NPHP4: variants seen among roughly 807,000 people sequenced by gnomAD.
The protein encoded by NPHP4 is nephrocystin-4.
In NPHP4, 151 loss-of-function variants were observed where a neutral mutation model predicts 155.8. The observed-to-expected ratio is 0.97, with a 90% CI of 0.85 to 1.11. The LOEUF (loss-of-function observed/expected upper bound fraction) is 1.11. Among genes scored for constraint, NPHP4 ranks in the 50% least tolerant of loss-of-function variants. The pLI, the probability that NPHP4 is intolerant of heterozygous loss-of-function variation, is 0.00. For missense variants in NPHP4, 1,956 were observed against 1,925.7 expected, an observed-to-expected ratio of 1.02 and a Z score of -0.29; for synonymous variants, 845 against 816.8, an observed-to-expected ratio of 1.03 and a Z score of -0.59.
chr1:5,986,397 T>G lies in NPHP4; in HGVS notation c.-38-70A>C, dbSNP rs1413709844. 4 of 1,262,858 alleles carry G rather than the reference T, an allele frequency of 3.2e-6. No individual in the cohort carries two copies. In the East Asian group the frequency reaches 1.0e-4, roughly 32 times the overall value. 78.2% of individuals were successfully genotyped at this position (1,262,858 alleles called of 1,614,324 possible). On this transcript the variant is annotated intron_variant, in intron 1 of 29. Coordinates refer to ENST00000378156, the MANE Select transcript of NPHP4 (RefSeq NM_015102.5). ...CAGTGGTCACAGCAATCCTGAAGGC[T>G]TCTGCCTCCCACTAAATCCCAGAGG...
chr1:5,910,761 C>T lies in NPHP4; in HGVS notation c.1442-1548G>A, dbSNP rs917760944. 1.3e-5 allele frequency among the ~76,000 whole-genome samples: 2 copies of T among 152,228 alleles called. No individual in the cohort carries two copies. Among genetic ancestry groups the T allele is most frequent in the African/African-American group, 4.8e-5 (2 of 41,464 alleles). On this transcript the variant is annotated intron_variant, in intron 11 of 29. Coordinates refer to ENST00000378156, the MANE Select transcript of NPHP4 (RefSeq NM_015102.5). This position sits in a 1 kb window ranked among gnomAD's most constrained non-coding sequence, Gnocchi z 5.4. ...CCTAACACCAGAGCTGCACGACCAT[C>T]GGAGCCAATCCCCGCCGTGCCTCTC...
rs911785891 is a variant in NPHP4, at chr1:5,862,877, T to C, written c.*388A>G. 4 of 222,214 alleles carry C rather than the reference T, an allele frequency of 1.8e-5. No individual in the cohort carries two copies. The highest frequency in any genetic ancestry group is 4.5e-5 in the African/African-American group (2 of 44,632). The allele number at this position is 222,214 out of a possible 1,614,324, so 13.8% of individuals were successfully genotyped here. A position where few individuals can be genotyped will look rare whatever the true frequency, so the allele number is the denominator to read the frequency against. ...CAGATATAATACCAGCATAAAATAT[T>C]GCATAGCAAATAATAGATTATGTTT... On this transcript the variant is annotated 3_prime_UTR_variant, in exon 30 of 30. Coordinates refer to ENST00000378156, the MANE Select transcript of NPHP4 (RefSeq NM_015102.5).
intron 11 of NPHP4, among the ~76,000 whole-genome samples, chr1:5,911,491 A>G (rs2101328068): frequency 6.6e-6 from 1 of 152,310 alleles, no homozygotes. Context: ...AGCTGGATGA[A>G]AAGTTAAACC....
rs1229908367 is a variant in NPHP4, at chr1:5,952,755, A to G, written c.755T>C (p.Leu252Pro). The G allele has an allele frequency of 6.4e-7, 1 of 1,572,188 alleles. No individual in the cohort carries two copies. The highest frequency in any genetic ancestry group is 1.4e-5 in the African/African-American group (1 of 73,848). ...CAGCAGCTCTTCCTCAAACTTCTCC[A>G]GGGAGGGGTACAGGGTGAAGAATAA... ...DDLFFTLYPS[L>P]EKFEEELLEL... Residue 252 changes from leucine to proline, a missense_variant, in exon 7 of 30, where the codon CTG becomes CCG. Coordinates refer to ENST00000378156, the MANE Select transcript of NPHP4 (RefSeq NM_015102.5).
intron 9 of NPHP4, among the ~76,000 whole-genome samples, chr1:5,945,174 A>T (rs1647026512): frequency 6.6e-6 from 1 of 152,180 alleles, no homozygotes; most frequent in African/African-American, 2.4e-5. Context: ...GAAGACACTG[A>T]GAGTGAGGCG....
At chr1:5,906,781 C>G (rs1357191884) in intron 13 of NPHP4, among the ~76,000 whole-genome samples, 1 of 152,230 alleles carries the variant, frequency 6.6e-6, no homozygotes, top group African/African-American at 2.4e-5. Flanking sequence ...GTGCCTGTCT[C>G]AGCCTGTCTA....
chr1:5,957,835 T>G (rs189811233), intron 6 of NPHP4, among the ~76,000 whole-genome samples: 2 of 152,366 alleles, frequency 1.3e-5, no homozygotes, highest in East Asian at 3.9e-4. Context: ...TGAAAATGAC[T>G]TTGAGCTAGT....
At chr1:5,943,245 A>C (rs1004433886) in intron 9 of NPHP4, among the ~76,000 whole-genome samples, 1 of 152,244 alleles carries the variant, frequency 6.6e-6, no homozygotes, top group Non-Finnish European at 1.5e-5. Context: ...AATTAACAGC[A>C]GATTAAAGTC....
intron 3 of NPHP4, among the ~76,000 whole-genome samples, chr1:5,977,013 T>C (rs892419519): frequency 1.3e-5 from 2 of 152,074 alleles, no homozygotes; most frequent in South Asian, 4.1e-4. Context: ...GGGGCCTCCT[T>C]CTATATACCT....
In NPHP4 at chr1:5,925,378, A is replaced by G. The variant is rs141685956; in HGVS notation, c.1441+2271T>C. ...ACAGGCAAATACCACACCATTTTAT[A>G]TAAGGGACTTGAGCATGTGGAACCA... On this transcript the variant is annotated intron_variant, in intron 11 of 29. Transcript: ENST00000378156. Among the ~76,000 whole-genome samples, 555 of 152,332 alleles carry G rather than the reference A, an allele frequency of 3.6e-3. 1 individual carries two copies. Among genetic ancestry groups the G allele is most frequent in the African/African-American group, 0.012 (511 of 41,574 alleles).
chr1:5,973,087 G>A (rs1652883189), intron 3 of NPHP4, among the ~76,000 whole-genome samples: 1 of 152,192 alleles, frequency 6.6e-6, no homozygotes, highest in African/African-American at 2.4e-5. Flanking sequence ...GTTTCACCAT[G>A]TTGGCCAGGC....
chr1:5,881,291 T>C (rs968034961), intron 18 of NPHP4: 1 of 152,204 alleles, frequency 6.6e-6, no homozygotes, highest in African/African-American at 2.4e-5. Context: ...GTGAGCCATA[T>C]CCTCCGTCCA....
chr1:5,928,658 AATTAT>A (rs147092430), intron 10 of NPHP4, among the ~76,000 whole-genome samples: 203 of 152,316 alleles, frequency 1.3e-3, no homozygotes, highest in African/African-American at 4.7e-3. Context: ...CCTTGATACT[AATTAT>A]ATTAATCAGT....
intron 18 of NPHP4, among the ~76,000 whole-genome samples, chr1:5,885,364 A>G (rs942205092): frequency 9.9e-5 from 15 of 151,948 alleles, no homozygotes; most frequent in Non-Finnish European, 2.1e-4. Flanking sequence ...CCTACGCCGC[A>G]ACCAAGATCA....
intron 26 of NPHP4, 153 bp from the exon 27 acceptor site, chr1:5,865,426 C>T (rs1049082458): frequency 4.5e-5 from 29 of 639,170 alleles, no homozygotes; most frequent in Middle Eastern, 4.6e-4. Context: ...GCTGGGGCCA[C>T]GCAGGGAAAG....
chr1:5,965,271 T>C (rs186405061), intron 5 of NPHP4, among the ~76,000 whole-genome samples: 189 of 152,152 alleles, frequency 1.2e-3, no homozygotes, highest in Non-Finnish European at 2.4e-3. Context: ...TGTGAGTGTA[T>C]TGCCATTACC....
chr1:5,878,767 G>A (rs1482472111), intron 19 of NPHP4, among the ~76,000 whole-genome samples: 1 of 152,136 alleles, frequency 6.6e-6, no homozygotes, highest in Non-Finnish European at 1.5e-5. Flanking sequence ...GACCTGCTGC[G>A]CCTGGAGGCA....
At chr1:5,976,312 G>C (rs185606058) in intron 3 of NPHP4, among the ~76,000 whole-genome samples, 1 of 152,118 alleles carries the variant, frequency 6.6e-6, no homozygotes, top group African/African-American at 2.4e-5. Flanking sequence ...ATGAAATGAC[G>C]GCATGCTTCT....
At chr1:5,888,496 G>T (rs1261585183) in intron 17 of NPHP4, 1 of 1,261,156 alleles carries the variant, frequency 7.9e-7, no homozygotes. Flanking sequence ...GCTTCCGGTC[G>T]CCGCAGACCC....
Sources: gnomAD v4.1 joint callset for allele counts (sites outside exome capture counted in the v4.1 genomes callset) on GRCh38, gnomAD v4.1.1 for gene constraint, Gnocchi (gnomAD v3.1) non-coding constraint, MANE v1.5 for transcripts, NCBI Gene and HGNC (gene_info 2026-07-23, HGNC 2026-07-21) for gene names.